GRIP1: variants seen among roughly 807,000 people sequenced by gnomAD.
GRIP1 encodes the protein glutamate receptor interacting protein 1.
In GRIP1, 45 loss-of-function variants were observed where a neutral mutation model predicts 129.9. That is an observed-to-expected ratio of 0.35 (90% confidence interval 0.27 to 0.44). The LOEUF (loss-of-function observed/expected upper bound fraction) is 0.44. Among genes scored for constraint, GRIP1 ranks in the 20% least tolerant of loss-of-function variants. GRIP1 has a pLI of 1.00. For synonymous variants in GRIP1, 530 were observed against 520.8 expected, an observed-to-expected ratio of 1.02 and a Z score of -0.24; for missense variants, 1,196 against 1,396.8, an observed-to-expected ratio of 0.86 and a Z score of 2.29.
chr12:66,462,801 CAAAAAAAAAA>C (rs34456744), intron 9 of GRIP1, 113 bp downstream of exon 9: 4 of 361,204 alleles, frequency 1.1e-5, no homozygotes, highest in Middle Eastern at 8.6e-4. Flanking sequence ...GACTCCATCT[CAAAAAAAAAA>C]AAAAAAAAAA....
chr12:66,955,562 CA>C lies in GRIP1; in HGVS notation c.58+113487del, dbSNP rs532676446. On this transcript the variant is annotated intron_variant, in intron 1 of 1. Transcript: ENST00000643019. Reference sequence around the variant, plus strand: ...CACTCTTGTCGCCCAGGCTGGAGTGCAGTGGTGCAATCTCGGCTCACTGCAA... The same window carrying C: ...CACTCTTGTCGCCCAGGCTGGAGTGCGTGGTGCAATCTCGGCTCACTGCAA... Among the ~76,000 whole-genome samples, 113 of 136,900 alleles carry C rather than the reference CA, an allele frequency of 8.3e-4. No individual in the cohort carries two copies. The South Asian group carries it at 9.3e-3, about 11-fold the overall frequency. The allele number at this position is 136,900 out of a possible 152,430, so 89.8% of individuals were successfully genotyped here. A position where few individuals can be genotyped will look rare whatever the true frequency, so the allele number is the denominator to read the frequency against.
chr12:66,495,561 T>A (rs1405200523), intron 7 of GRIP1, among the ~76,000 whole-genome samples: 1 of 151,762 alleles, frequency 6.6e-6, no homozygotes, highest in African/African-American at 2.4e-5. Context: ...AAAATGAAAC[T>A]TTTTTTTCCC....
In GRIP1 at chr12:66,349,185, G is replaced by A. The variant is rs1327395377; in HGVS notation, c.3221C>T (p.Ser1074Phe). 6.2e-7 allele frequency: 1 copy of A among 1,613,970 alleles called. No individual in the cohort carries two copies. Among genetic ancestry groups the A allele is most frequent in the African/African-American group, 1.3e-5 (1 of 74,900 alleles). ...CCLVVPLIAE[S>F]GNKLDLVISR... ...AATAACCAGGTCCAGCTTATTCCCG[G>A]ATTCTGCTATGAGGGGCACAACAAG... is the stretch of plus-strand genomic sequence containing the variant. The change falls in exon 25 of 25, where the codon TCC becomes TTC. Residue 1074 changes from serine (S) to phenylalanine (F), a missense_variant. Transcript: ENST00000359742.
chr12:66,900,244 T>C (rs543400573), intron 1 of GRIP1, among the ~76,000 whole-genome samples: 8 of 152,308 alleles, frequency 5.3e-5, no homozygotes, highest in Admixed American at 2.0e-4. Flanking sequence ...TTGTTTCCTC[T>C]TCAGATAAAT....
intron 1 of GRIP1, among the ~76,000 whole-genome samples, chr12:66,881,548 T>C (rs578074263): frequency 2.0e-5 from 3 of 152,258 alleles, no homozygotes; most frequent in South Asian, 4.1e-4. Flanking sequence ...CCTCTCCAGC[T>C]TCATCCATCA....
intron 1 of GRIP1, among the ~76,000 whole-genome samples, chr12:66,731,839 T>C (rs1371214285): frequency 6.6e-6 from 1 of 152,206 alleles, no homozygotes; most frequent in African/African-American, 2.4e-5. Context: ...AAGTGGACTA[T>C]GGCAGGCTAA....
intron 1 of GRIP1, among the ~76,000 whole-genome samples, chr12:66,699,093 C>A (rs942634261): frequency 8.5e-5 from 13 of 152,112 alleles, no homozygotes; most frequent in Non-Finnish European, 1.8e-4. Context: ...ATGTGTCCCA[C>A]AAGCAGATAC....
intron 23 of GRIP1, among the ~76,000 whole-genome samples, chr12:66,355,174 C>A (rs575823511): frequency 1.3e-5 from 2 of 152,134 alleles, no homozygotes; most frequent in African/African-American, 4.8e-5. Flanking sequence ...AACTAATGTT[C>A]CCTGAGACGA....
chr12:66,461,742 C>T (rs2059142652), intron 9 of GRIP1, among the ~76,000 whole-genome samples: 1 of 152,122 alleles, frequency 6.6e-6, no homozygotes, highest in South Asian at 2.1e-4. Context: ...TTCCCCCCGC[C>T]CCAGACTGTG....
intron 1 of GRIP1, among the ~76,000 whole-genome samples, chr12:66,824,809 G>A (rs371015642): frequency 6.6e-6 from 1 of 151,870 alleles, no homozygotes; most frequent in African/African-American, 2.4e-5. Flanking sequence ...TTTTAAGAGG[G>A]GGCATAATTT....
chr12:66,372,043 A>C lies in GRIP1; in HGVS notation c.2779-116T>G, dbSNP rs2055535077. ...GGTAAAAATACAGTCTCTTCAGGGC[A>C]AAACCAAAGGCTGGAAAATGGATGT... On this transcript the variant is annotated intron_variant, in intron 22 of 24. Transcript: ENST00000359742. 5 of 729,428 alleles carry C rather than the reference A, an allele frequency of 6.9e-6. No homozygotes were observed. The East Asian group carries it at 1.1e-4, about 15-fold the overall frequency. The allele number at this position is 729,428 out of a possible 1,614,324, so 45.2% of individuals were successfully genotyped here.
intron 2 of GRIP1, among the ~76,000 whole-genome samples, chr12:66,555,173 C>T (rs1285972228): frequency 6.6e-6 from 1 of 152,198 alleles, no homozygotes; most frequent in Non-Finnish European, 1.5e-5. Context: ...ATGTGTCACT[C>T]CTTCCCCATC....
intron 1 of GRIP1, among the ~76,000 whole-genome samples, chr12:67,020,214 G>T (rs912060323): frequency 6.6e-6 from 1 of 152,128 alleles, no homozygotes; most frequent in Non-Finnish European, 1.5e-5. Flanking sequence ...AGAAAGTTTT[G>T]ATTTAATGAA....
At chr12:66,524,918 T>C (rs2061167554) in intron 5 of GRIP1, among the ~76,000 whole-genome samples, 2 of 152,104 alleles carry the variant, frequency 1.3e-5, no homozygotes, top group South Asian at 4.1e-4. Context: ...GCAAATAAAC[T>C]AGAAAATCTA....
intron 1 of GRIP1, among the ~76,000 whole-genome samples, chr12:66,918,915 T>G (rs2041169832): frequency 6.6e-6 from 1 of 152,174 alleles, no homozygotes; most frequent in South Asian, 2.1e-4. Flanking sequence ...ATTTAAGCTT[T>G]CTTTATGCCT....
intron 24 of GRIP1, among the ~76,000 whole-genome samples, chr12:66,351,138 C>A (rs1184809605): frequency 1.3e-5 from 2 of 152,182 alleles, no homozygotes; most frequent in Non-Finnish European, 2.9e-5. Flanking sequence ...AAAATCATCA[C>A]CAGAATTGAT....
intron 1 of GRIP1, among the ~76,000 whole-genome samples, chr12:66,984,467 T>G (rs529102087): frequency 1.3e-5 from 2 of 152,350 alleles, no homozygotes; most frequent in South Asian, 4.1e-4. Context: ...TGCTGAAGTA[T>G]CTTACATTTA....
chr12:66,400,144 T>C (rs2056932465), intron 16 of GRIP1, among the ~76,000 whole-genome samples: 1 of 151,822 alleles, frequency 6.6e-6, no homozygotes, highest in African/African-American at 2.4e-5. Context: ...AAATGCAAAT[T>C]CTCAAGTTTG....
chr12:66,692,342 T>G (rs2035009758), intron 1 of GRIP1, among the ~76,000 whole-genome samples: 1 of 152,222 alleles, frequency 6.6e-6, no homozygotes, highest in Non-Finnish European at 1.5e-5. Flanking sequence ...GAAGTTCAAA[T>G]GAAACAGAAA....
Sources: allele counts gnomAD v4.1 joint callset (sites outside exome capture counted in the v4.1 genomes callset), GRCh38; gene constraint gnomAD v4.1.1; transcripts MANE v1.5; gene names NCBI Gene and HGNC (gene_info 2026-07-23, HGNC 2026-07-21).